PTGER1: variants seen among roughly 807,000 people sequenced by gnomAD.
The protein encoded by PTGER1 is prostaglandin E2 receptor EP1 subtype.
Under a neutral mutation model 18.5 loss-of-function variants are expected in PTGER1, and 15 were observed. That is an observed-to-expected ratio of 0.81 (90% CI 0.54 to 1.25). The LOEUF (loss-of-function observed/expected upper bound fraction) is 1.25, where lower values mean the gene tolerates loss of function less well. Among genes scored for constraint, PTGER1 ranks in the 50% most tolerant of loss-of-function variants. PTGER1 has a pLI of 0.00. For missense variants in PTGER1, 567 were observed against 603.4 expected (o/e 0.94, Z 0.63); for synonymous variants, 339 against 308.4 (o/e 1.10, Z -1.04).
Position 14,472,820 on chromosome 19 carries a change from CCAA to C in PTGER1, c.946_948del (p.Leu316del), listed in dbSNP as rs779892164. ...CTCCAGCCGCCGACGGCCAGCGCCA[CCAA>C]CACCTGCGGGGGAAGCCGGTGTGAG... On this transcript the variant is annotated inframe_deletion, in exon 3 of 3. Transcript: ENST00000292513. The C allele has an allele frequency of 2.2e-5, 34 of 1,551,218 alleles. 1 individual carries two copies. The highest frequency in any genetic ancestry group is 3.4e-4 in the Middle Eastern group (2 of 5,866).
rs965325849 is a variant in PTGER1 at position 14,474,252 on chromosome 19, G to T, written c.69C>A (p.Val23=). Residue 23 remains valine, a synonymous_variant, in exon 2 of 3, where the codon GTC becomes GTA. Coordinates refer to ENST00000292513, the MANE Select transcript of PTGER1 (RefSeq NM_000955.3). This position sits in a 1 kb window ranked among gnomAD's most constrained non-coding sequence, Gnocchi z 5.4. ...GEATTCAAPW[V]PNTSAVPPSG... ...ACGGCGGCACGGCCGACGTGTTGGG[G>T]ACCCAGGGCGCCGCGCATGTGGTCG... 5 of 1,530,368 alleles carry T rather than the reference G, an allele frequency of 3.3e-6. No homozygotes were observed. In the African/African-American group the frequency reaches 5.5e-5, roughly 17 times the overall value. 94.8% of individuals were successfully genotyped at this position (1,530,368 alleles called of 1,614,324 possible).
At position 14,474,019 on chromosome 19, in the gene PTGER1, G is replaced by T. The variant is rs2071591760; in HGVS notation, c.302C>A (p.Ala101Glu). Residue 101 changes from alanine (A) to glutamate (E), a missense_variant, in exon 2 of 3, where the codon GCG becomes GAG. Coordinates refer to ENST00000292513, the MANE Select transcript of PTGER1 (RefSeq NM_000955.3). The surrounding 1 kb of genome is among the most constrained non-coding windows in gnomAD (Gnocchi z 5.4). ...GGCCCCGCCGGCCGGAGCGCGCCCC[G>T]CAGTGTACAGACGCAGCACCAGCGC... ...PGALVLRLYTAGRAPAGGACH... is the reference protein window; with the variant it reads ...PGALVLRLYTEGRAPAGGACH... 2.0e-6 allele frequency: 3 copies of T among 1,501,004 alleles called. No individual in the cohort carries two copies. Among genetic ancestry groups the T allele is most frequent in the South Asian group, 1.2e-5 (1 of 81,468 alleles). The allele number at this position is 1,501,004 out of a possible 1,614,324, so 93.0% of individuals were successfully genotyped here. A position where few individuals can be genotyped will look rare whatever the true frequency, so the allele number is the denominator to read the frequency against.
rs1164800977 is a variant in PTGER1, at chr19:14,474,867, T to C, written c.-18+395A>G. Reference sequence around the variant, plus strand: ...TCCCTGTCCCCCATGGACCCATCTCTGACCCCACATGGCACAGCCACATCT... The same window carrying C: ...TCCCTGTCCCCCATGGACCCATCTCCGACCCCACATGGCACAGCCACATCT... On this transcript the variant is annotated intron_variant, in intron 1 of 2. Coordinates refer to ENST00000292513, the MANE Select transcript of PTGER1 (RefSeq NM_000955.3). This position sits in a 1 kb window ranked among gnomAD's most constrained non-coding sequence, Gnocchi z 5.4. Among the ~76,000 whole-genome samples the C allele has an allele frequency of 6.6e-6, 1 of 152,120 alleles. No individual in the cohort carries two copies. Among genetic ancestry groups the C allele is most frequent in the Non-Finnish European group, 1.5e-5 (1 of 67,994 alleles).
chr19:14,474,334 G>A lies in PTGER1; in HGVS notation c.-14C>T, dbSNP rs1216108769. On this transcript the variant is annotated 5_prime_UTR_variant, in exon 2 of 3. Coordinates refer to ENST00000292513, the MANE Select transcript of PTGER1 (RefSeq NM_000955.3). The surrounding 1 kb of genome is among the most constrained non-coding windows in gnomAD (Gnocchi z 5.4). The stretch of plus-strand genomic sequence containing the variant: ...GCAAGGGCTCATGTCAGGCGCCAGG[G>A]GTGCTGGATAGAGGAGAGGAGGGCA... 18 of 1,513,028 alleles carry A rather than the reference G, an allele frequency of 1.2e-5. No individual in the cohort carries two copies. Among genetic ancestry groups the A allele is most frequent in the Admixed American group, 2.1e-5 (1 of 47,570 alleles). The allele number at this position is 1,513,028 out of a possible 1,614,324, so 93.7% of individuals were successfully genotyped here. A position where few individuals can be genotyped will look rare whatever the true frequency, so the allele number is the denominator to read the frequency against.
Position 14,473,265 on chromosome 19 carries a change from G to A in PTGER1, c.942+114C>T. ...GGCAGGTGGGGCCTCTAGGGGCCGGGGCCTTGGTTGAGTCCAGGATGGAGG... is the reference window on the plus strand; with the variant it reads ...GGCAGGTGGGGCCTCTAGGGGCCGGAGCCTTGGTTGAGTCCAGGATGGAGG... On this transcript the variant is annotated intron_variant, in intron 2 of 2. Transcript: ENST00000292513. This position sits in a 1 kb window ranked among gnomAD's most constrained non-coding sequence, Gnocchi z 7.1. 7 of 1,477,956 alleles carry A rather than the reference G, an allele frequency of 4.7e-6. No individual in the cohort carries two copies. Among genetic ancestry groups the A allele is most frequent in the South Asian group, 2.7e-5 (2 of 75,000 alleles). 91.6% of individuals were successfully genotyped at this position (1,477,956 alleles called of 1,614,324 possible).
At position 14,475,317 on chromosome 19, in the gene PTGER1, A is replaced by G. The variant is rs561125315; in HGVS notation, c.-73T>C. On this transcript the variant is annotated 5_prime_UTR_variant, in exon 1 of 3. Coordinates refer to ENST00000292513, the MANE Select transcript of PTGER1 (RefSeq NM_000955.3). Reference sequence around the variant, plus strand: ...CACCGGCCGCTCAGCCCTGCCGCCCACTGCGCCCTGGCTCTCCGGCAAGCC... The same window carrying G: ...CACCGGCCGCTCAGCCCTGCCGCCCGCTGCGCCCTGGCTCTCCGGCAAGCC... 6.6e-6 allele frequency: 1 copy of G among 152,468 alleles called. No homozygotes were observed. The highest frequency in any genetic ancestry group is 1.5e-5 in the Non-Finnish European group (1 of 68,208). The allele number at this position is 152,468 out of a possible 1,614,324, so 9.4% of individuals were successfully genotyped here. A position where few individuals can be genotyped will look rare whatever the true frequency, so the allele number is the denominator to read the frequency against.
Position 14,474,934 on chromosome 19 carries a change from T to C in PTGER1, c.-18+328A>G, listed in dbSNP as rs28364040. The stretch of plus-strand genomic sequence containing the variant: ...TCTGCCCCTGCCCCATGGACCTGCC[T>C]CTGCTCCACTGCGGTCTCTCGCCAG... On this transcript the variant is annotated intron_variant, in intron 1 of 2. Transcript: ENST00000292513. The surrounding 1 kb of genome is among the most constrained non-coding windows in gnomAD (Gnocchi z 5.4). 0.29 allele frequency among the ~76,000 whole-genome samples: 44,177 copies of C among 152,016 alleles called. 6,608 individuals carry two copies. The highest frequency in any genetic ancestry group is 0.33 in the Non-Finnish European group (22,623 of 67,948).
In PTGER1 at chr19:14,473,532, G is replaced by A; in HGVS notation, c.789C>T (p.Ala263=). ...CCGAAGCGATGGACGAGGCGGACGA[G>A]GCGGAGGCCGAGCGGGGTCCGTGCG... ...WGAHGPRSAS[A]SSASSIASAS... is the part of the protein sequence containing the mutation. Residue 263 remains alanine (A), a synonymous_variant, in exon 2 of 3, where the codon GCC becomes GCT. Coordinates refer to ENST00000292513, the MANE Select transcript of PTGER1 (RefSeq NM_000955.3). This position sits in a 1 kb window ranked among gnomAD's most constrained non-coding sequence, Gnocchi z 7.1. 1 of 1,555,986 alleles carries A rather than the reference G, an allele frequency of 6.4e-7. No individual in the cohort carries two copies. Among genetic ancestry groups the A allele is most frequent in the South Asian group, 1.2e-5 (1 of 85,450 alleles).
At position 14,473,043 on chromosome 19, in the gene PTGER1, A is replaced by T. The variant is rs990402260; in HGVS notation, c.943-217T>A. Among the ~76,000 whole-genome samples the T allele has an allele frequency of 2.0e-5, 3 of 152,054 alleles. No homozygotes were observed. Among genetic ancestry groups the T allele is most frequent in the Admixed American group, 2.0e-4 (3 of 15,262 alleles). On this transcript the variant is annotated intron_variant, in intron 2 of 2. Transcript: ENST00000292513. This position sits in a 1 kb window ranked among gnomAD's most constrained non-coding sequence, Gnocchi z 7.1. Reference sequence around the variant, plus strand: ...GGGGGTCCGGCCGTAGAGGAGTCTCAGGTGTCCCGGAAAGAGGAAAAGCAA... The same window carrying T: ...GGGGGTCCGGCCGTAGAGGAGTCTCTGGTGTCCCGGAAAGAGGAAAAGCAA...
chr19:14,474,133 C>A lies in PTGER1; in HGVS notation c.188G>T (p.Arg63Leu), dbSNP rs947078891. The part of the protein sequence containing the change: ...ALALLAQAAG[R>L]LRRRRSAATF... ...GGCGGCCGAGCGGCGGCGTCGCAGG[C>A]GGCCCGCGGCCTGCGCCAGCAGCGC... Residue 63 changes from arginine to leucine, a missense_variant, in exon 2 of 3, where the codon CGC becomes CTC. Transcript: ENST00000292513. The surrounding 1 kb of genome is among the most constrained non-coding windows in gnomAD (Gnocchi z 5.4). 4.5e-5 allele frequency: 64 copies of A among 1,426,072 alleles called. No homozygotes were observed. The highest frequency in any genetic ancestry group is 7.6e-5 in the African/African-American group (5 of 65,620). 88.3% of individuals were successfully genotyped at this position (1,426,072 alleles called of 1,614,324 possible). A position where few individuals can be genotyped will look rare whatever the true frequency, so the allele number is the denominator to read the frequency against.
rs539601641 is a variant in PTGER1, at chr19:14,473,052, G to A, written c.943-226C>T. On this transcript the variant is annotated intron_variant, in intron 2 of 2. Transcript: ENST00000292513. This position sits in a 1 kb window ranked among gnomAD's most constrained non-coding sequence, Gnocchi z 7.1. ...GCCGTAGAGGAGTCTCAGGTGTCCC[G>A]GAAAGAGGAAAAGCAAGGGGGTTGG... Among the ~76,000 whole-genome samples the A allele has an allele frequency of 7.2e-5, 11 of 152,170 alleles. No individual in the cohort carries two copies. Among genetic ancestry groups the A allele is most frequent in the African/African-American group, 2.4e-4 (10 of 41,496 alleles).
chr19:14,473,313 A>G lies in PTGER1; in HGVS notation c.942+66T>C. On this transcript the variant is annotated intron_variant, in intron 2 of 2. Coordinates refer to ENST00000292513, the MANE Select transcript of PTGER1 (RefSeq NM_000955.3). The surrounding 1 kb of genome is among the most constrained non-coding windows in gnomAD (Gnocchi z 7.1). ...AGGCCCCAGGTGTCCTGGGACGACA[A>G]AGGGCGGGAGGGTGCCGAGAGGGAG... 2 of 1,534,752 alleles carry G rather than the reference A, an allele frequency of 1.3e-6. No individual in the cohort carries two copies. Among genetic ancestry groups the G allele is most frequent in the East Asian group, 4.9e-5 (2 of 40,428 alleles).
At position 14,473,049 on chromosome 19, in the gene PTGER1, C is replaced by T. The variant is rs2071580603; in HGVS notation, c.943-223G>A. ...CCGGCCGTAGAGGAGTCTCAGGTGTCCCGGAAAGAGGAAAAGCAAGGGGGT... is the reference window on the plus strand; with the variant it reads ...CCGGCCGTAGAGGAGTCTCAGGTGTTCCGGAAAGAGGAAAAGCAAGGGGGT... On this transcript the variant is annotated intron_variant, in intron 2 of 2. Transcript: ENST00000292513. The surrounding 1 kb of genome is among the most constrained non-coding windows in gnomAD (Gnocchi z 7.1). Among the ~76,000 whole-genome samples, 1 of 151,752 alleles carries T rather than the reference C, an allele frequency of 6.6e-6. No homozygotes were observed. Among genetic ancestry groups the T allele is most frequent in the Non-Finnish European group, 1.5e-5 (1 of 67,978 alleles).
chr19:14,472,584 C>G lies in PTGER1; in HGVS notation c.1185G>C (p.Arg395=), dbSNP rs891459499. ...CTTAGAAGTGGCTGAGGCCGCTGTG[C>G]CGGGAGCTGCGCAGCGAGCTGGCCT... ...AWEASSLRSS[R]HSGLSHF The change falls in exon 3 of 3, where the codon CGG becomes CGC. Residue 395 remains arginine (R), a synonymous_variant. Transcript: ENST00000292513. 1 of 1,592,152 alleles carries G rather than the reference C, an allele frequency of 6.3e-7. No homozygotes were observed. Among genetic ancestry groups the G allele is most frequent in the South Asian group, 1.1e-5 (1 of 89,268 alleles).
Position 14,474,149 on chromosome 19 carries a change from C to A in PTGER1, c.172G>T (p.Ala58Ser). ...CGTCGCAGGCGGCCCGCGGCCTGCG[C>A]CAGCAGCGCCAGCGCCAGCAGGTTG... ...VSNLLALALL[A>S]QAAGRLRRRR... The change falls in exon 2 of 3, where the codon GCG becomes TCG. Residue 58 changes from alanine to serine, a missense_variant. Physicochemically the swap from Ala to Ser is moderately conservative, Grantham distance 99. Transcript: ENST00000292513. The surrounding 1 kb of genome is among the most constrained non-coding windows in gnomAD (Gnocchi z 5.4). The A allele has an allele frequency of 6.9e-7, 1 of 1,452,914 alleles. No individual in the cohort carries two copies. The highest frequency in any genetic ancestry group is 9.0e-7 in the Non-Finnish European group (1 of 1,113,670). 90.0% of individuals were successfully genotyped at this position (1,452,914 alleles called of 1,614,324 possible).
At position 14,473,556 on chromosome 19, in the gene PTGER1, C is replaced by G; in HGVS notation, c.765G>C (p.Ala255=). 6.6e-7 allele frequency: 1 copy of G among 1,522,662 alleles called. No individual in the cohort carries two copies. The highest frequency in any genetic ancestry group is 8.8e-7 in the Non-Finnish European group (1 of 1,140,862). The allele number at this position is 1,522,662 out of a possible 1,614,324, so 94.3% of individuals were successfully genotyped here. ...SGPDSRRRWG[A]HGPRSASASS... The stretch of plus-strand genomic sequence containing the variant: ...AGGCGGAGGCCGAGCGGGGTCCGTG[C>G]GCCCCCCAGCGACGCCGGCTGTCGG... Residue 255 remains alanine (A), a synonymous_variant, in exon 2 of 3, where the codon GCG becomes GCC. Coordinates refer to ENST00000292513, the MANE Select transcript of PTGER1 (RefSeq NM_000955.3). This position sits in a 1 kb window ranked among gnomAD's most constrained non-coding sequence, Gnocchi z 7.1.
chr19:14,474,268 C>G lies in PTGER1; in HGVS notation c.53G>C (p.Cys18Ser), dbSNP rs1394824418. The G allele has an allele frequency of 6.5e-7, 1 of 1,530,978 alleles. No individual in the cohort carries two copies. The highest frequency in any genetic ancestry group is 1.4e-5 in the African/African-American group (1 of 72,356). The allele number at this position is 1,530,978 out of a possible 1,614,324, so 94.8% of individuals were successfully genotyped here. ...NLSLAGEATT[C>S]AAPWVPNTSA... Reference sequence around the variant, plus strand: ...CGTGTTGGGGACCCAGGGCGCCGCGCATGTGGTCGCCTCGCCCGCCAGGCT... The same window carrying G: ...CGTGTTGGGGACCCAGGGCGCCGCGGATGTGGTCGCCTCGCCCGCCAGGCT... Residue 18 changes from cysteine (C) to serine (S), a missense_variant, in exon 2 of 3, where the codon TGC (cysteine) becomes TCC (serine). Physicochemically the swap from Cys to Ser is moderately radical, Grantham distance 112. Coordinates refer to ENST00000292513, the MANE Select transcript of PTGER1 (RefSeq NM_000955.3). The surrounding 1 kb of genome is among the most constrained non-coding windows in gnomAD (Gnocchi z 5.4).
chr19:14,473,322 A>AG lies in PTGER1; in HGVS notation c.942+56dup, dbSNP rs1394486762. On this transcript the variant is annotated intron_variant, in intron 2 of 2. Coordinates refer to ENST00000292513, the MANE Select transcript of PTGER1 (RefSeq NM_000955.3). The surrounding 1 kb of genome is among the most constrained non-coding windows in gnomAD (Gnocchi z 7.1). ...GTGTCCTGGGACGACAAAGGGCGGG[A>AG]GGGTGCCGAGAGGGAGCGGGAAGGA... The AG allele has an allele frequency of 6.5e-7, 1 of 1,539,620 alleles. No homozygotes were observed. Among genetic ancestry groups the AG allele is most frequent in the African/African-American group, 1.4e-5 (1 of 72,640 alleles).
Position 14,473,867 on chromosome 19 carries a change from C to A in PTGER1, c.454G>T (p.Ala152Ser). Residue 152 changes from alanine to serine, a missense_variant, in exon 2 of 3, where the codon GCC (alanine) becomes TCC (serine). Ala to Ser is a moderately conservative substitution (Grantham distance 99, BLOSUM62 1). Coordinates refer to ENST00000292513, the MANE Select transcript of PTGER1 (RefSeq NM_000955.3). The surrounding 1 kb of genome is among the most constrained non-coding windows in gnomAD (Gnocchi z 7.1). The part of the protein sequence containing the change: ...PLLHAARVSV[A>S]RARLALAAVA... Reference sequence around the variant, plus strand: ...GCGGCCAGCGCCAGGCGCGCGCGGGCGACCGAGACCCGCGCGGCGTGGAGC... The same window carrying A: ...GCGGCCAGCGCCAGGCGCGCGCGGGAGACCGAGACCCGCGCGGCGTGGAGC... 1.6e-6 allele frequency: 2 copies of A among 1,221,182 alleles called. No individual in the cohort carries two copies. The highest frequency in any genetic ancestry group is 2.0e-6 in the Non-Finnish European group (2 of 985,160). 75.6% of individuals were successfully genotyped at this position (1,221,182 alleles called of 1,614,324 possible).
Sources: allele counts gnomAD v4.1 joint callset (sites outside exome capture counted in the v4.1 genomes callset), GRCh38; gene constraint gnomAD v4.1.1; non-coding constraint Gnocchi (gnomAD v3.1); transcripts MANE v1.5; gene names NCBI Gene and HGNC (gene_info 2026-07-23, HGNC 2026-07-21).